STIM1: variants seen among roughly 807,000 people sequenced by gnomAD.
STIM1 encodes the protein stromal interaction molecule 1.
STIM1 carries 25 observed loss-of-function variants against 74.7 expected under a neutral mutation model. The observed-to-expected ratio is 0.33, with a 90% CI of 0.24 to 0.47. The LOEUF (loss-of-function observed/expected upper bound fraction) is 0.47. STIM1 is among the 20% of genes least tolerant of loss of function. The probability of loss-of-function intolerance (pLI) is 1.00; values close to 1 mark genes in which losing one functional copy is unlikely to be tolerated. For missense variants in STIM1, 728 were observed against 920.8 expected (o/e 0.79, Z 2.71); for synonymous variants, 328 against 348.8 (o/e 0.94, Z 0.66).
At chr11:3,921,622 T>A (rs1406403121) in intron 1 of STIM1, among the ~76,000 whole-genome samples, 1 of 152,110 alleles carries the variant, frequency 6.6e-6, no homozygotes. Context: ...TGTCCACAAA[T>A]TCTTTGATAC....
At chr11:4,049,322 G>T (rs2920145) in intron 3 of STIM1, among the ~76,000 whole-genome samples, 70,652 of 145,266 alleles carry the variant, frequency 0.49, 18,900 homozygotes, top group East Asian at 0.67. Context: ...TATATCAGCT[G>T]GATTTTTTTT....
chr11:3,999,547 G>A (rs1320295164), intron 2 of STIM1: 1 of 152,230 alleles, frequency 6.6e-6, no homozygotes, highest in South Asian at 2.1e-4. Flanking sequence ...AAGGGAGTTG[G>A]AATAGATATT....
chr11:3,920,015 C>A (rs1013834240), intron 1 of STIM1, among the ~76,000 whole-genome samples: 7 of 152,016 alleles, frequency 4.6e-5, no homozygotes, highest in African/African-American at 1.7e-4. Context: ...GAGTTTGAGG[C>A]TGCAGTAAGC....
At chr11:3,979,640 A>C (rs562091601) in intron 2 of STIM1, among the ~76,000 whole-genome samples, 2 of 151,972 alleles carry the variant, frequency 1.3e-5, no homozygotes, top group Non-Finnish European at 2.9e-5. Flanking sequence ...GGGTCTTGCT[A>C]TGTTGCCAAG....
chr11:4,077,631 C>T (rs983593081), intron 7 of STIM1, among the ~76,000 whole-genome samples: 1 of 152,164 alleles, frequency 6.6e-6, no homozygotes, highest in Non-Finnish European at 1.5e-5. Flanking sequence ...GCTCCATTCT[C>T]TCCTCTCCTT....
chr11:3,958,778 T>C (rs2093249571), intron 1 of STIM1, among the ~76,000 whole-genome samples: 3 of 152,032 alleles, frequency 2.0e-5, no homozygotes, highest in Admixed American at 6.6e-5. Flanking sequence ...GAGACCAGCC[T>C]GGCCAACATG....
At chr11:3,980,846 C>G (rs556283137) in intron 2 of STIM1, among the ~76,000 whole-genome samples, 9 of 152,254 alleles carry the variant, frequency 5.9e-5, no homozygotes, top group African/African-American at 2.2e-4. Context: ...TTCCTAGCCT[C>G]TACATACTGG....
At chr11:3,950,500 T>C (rs543914696) in intron 1 of STIM1, among the ~76,000 whole-genome samples, 8 of 152,318 alleles carry the variant, frequency 5.3e-5, no homozygotes, top group Admixed American at 4.6e-4. Context: ...CATTCACTTG[T>C]TGAAGAATAT....
intron 1 of STIM1, among the ~76,000 whole-genome samples, chr11:3,938,979 T>C (rs554860532): frequency 2.4e-4 from 36 of 152,340 alleles, no homozygotes; most frequent in African/African-American, 8.2e-4. Flanking sequence ...CTTACTAATT[T>C]TCTCCACTAC....
chr11:3,924,265 C>G lies in STIM1; in HGVS notation c.140-43287C>G, dbSNP rs186518718. ...CCAGTCTGGAGTGCAGTGGCGCAAT[C>G]TCGGCTCACTGCAAGCTCTGCCTCC... On this transcript the variant is annotated intron_variant, in intron 1 of 12. Transcript: ENST00000526596. Among the ~76,000 whole-genome samples the G allele has an allele frequency of 2.4e-3, 356 of 146,678 alleles. 5 individuals are homozygous for G. Among genetic ancestry groups the G allele is most frequent in the African/African-American group, 8.7e-3 (338 of 38,994 alleles).
intron 4 of STIM1, chr11:4,058,980 G>A: frequency 8.5e-7 from 1 of 1,170,526 alleles, no homozygotes; most frequent in Non-Finnish European, 1.1e-6. Context: ...AACCCTGGAA[G>A]GAGAAGCACA....
At chr11:4,067,174 T>C (rs529543821) in intron 5 of STIM1, among the ~76,000 whole-genome samples, 36 of 152,328 alleles carry the variant, frequency 2.4e-4, no homozygotes, top group Admixed American at 1.1e-3. Flanking sequence ...GTAACTCTAA[T>C]GCATTTTACA....
At chr11:3,857,878 G>A (rs768613516) in intron 1 of STIM1, among the ~76,000 whole-genome samples, 16 of 152,220 alleles carry the variant, frequency 1.1e-4, no homozygotes, top group Non-Finnish European at 2.1e-4. Context: ...TTGCCCATGT[G>A]TAAGTAGGAT....
chr11:4,055,462 T>A (rs759599608), intron 3 of STIM1, 64 bp from the exon 4 acceptor site: 7 of 1,264,680 alleles, frequency 5.5e-6, no homozygotes, highest in Non-Finnish European at 6.8e-6. Context: ...AAGGTCAGCA[T>A]GACAACAAAT....
chr11:4,022,407 C>G (rs985735133), intron 2 of STIM1, among the ~76,000 whole-genome samples: 1 of 150,594 alleles, frequency 6.6e-6, no homozygotes, highest in African/African-American at 2.4e-5. Flanking sequence ...TTCCTTCTTT[C>G]CAATTTTGAT....
chr11:3,933,990 C>T (rs1354589598), intron 1 of STIM1, among the ~76,000 whole-genome samples: 2 of 152,108 alleles, frequency 1.3e-5, no homozygotes, highest in Non-Finnish European at 2.9e-5. Context: ...ACTTAATGTC[C>T]CTTTTCCAGG....
At chr11:3,879,086 G>A (rs1295730436) in intron 1 of STIM1, among the ~76,000 whole-genome samples, 1 of 152,070 alleles carries the variant, frequency 6.6e-6, no homozygotes, top group Non-Finnish European at 1.5e-5. Flanking sequence ...CTCCCGAGTA[G>A]CTGGGACTAC....
chr11:4,088,830 G>A, intron 12 of STIM1: 2 of 1,345,840 alleles, frequency 1.5e-6, no homozygotes, highest in East Asian at 2.5e-5. Flanking sequence ...GAGGGAAGGT[G>A]AGCCTGCCTC....
In STIM1 at chr11:3,855,940, GC is replaced by G; in HGVS notation, c.-326del. 2.9e-6 allele frequency: 1 copy of G among 342,728 alleles called. No homozygotes were observed. Among genetic ancestry groups the G allele is most frequent in the Non-Finnish European group, 5.6e-6 (1 of 177,924 alleles). The allele number at this position is 342,728 out of a possible 1,614,324, so 21.2% of individuals were successfully genotyped here. ...TTCTGTGCCCGCGGAGACTCCGGCCGCCCCCTTCCGCAGGGGTGTAGTAATC... is the reference window on the plus strand; with the variant it reads ...TTCTGTGCCCGCGGAGACTCCGGCCGCCCCTTCCGCAGGGGTGTAGTAATC... On this transcript the variant is annotated 5_prime_UTR_variant, in exon 1 of 13. Transcript: ENST00000526596.
Sources: allele counts gnomAD v4.1 joint callset (sites outside exome capture counted in the v4.1 genomes callset), GRCh38; gene constraint gnomAD v4.1.1; transcripts MANE v1.5; gene names NCBI Gene and HGNC (gene_info 2026-07-23, HGNC 2026-07-21).